Variants in MTUS2 observed in about 807,000 individuals in gnomAD.
The protein encoded by MTUS2 is microtubule associated scaffold protein 2.
In MTUS2, 40 loss-of-function variants were observed where a neutral mutation model predicts 114.1. The observed-to-expected ratio is 0.35, with a 90% confidence interval of 0.27 to 0.46. The LOEUF (loss-of-function observed/expected upper bound fraction) is 0.46. MTUS2 is among the 20% of genes least tolerant of loss of function. The pLI is 1.00. For synonymous variants in MTUS2, 688 were observed against 672.0 expected (o/e 1.02, Z -0.37); for missense variants, 1,679 against 1,705.4 (o/e 0.98, Z 0.27).
intron 2 of MTUS2, among the ~76,000 whole-genome samples, chr13:28,970,070 A>T (rs182423257): frequency 6.6e-6 from 1 of 152,336 alleles, no homozygotes; most frequent in East Asian, 1.9e-4. Context: ...GTGAACCACC[A>T]CACCTGGCCA....
chr13:29,107,194 G>A (rs1368669827), intron 5 of MTUS2, among the ~76,000 whole-genome samples: 1 of 151,984 alleles, frequency 6.6e-6, no homozygotes, highest in Admixed American at 6.5e-5. Flanking sequence ...CTCTTGGCTT[G>A]TATCACTTTT....
intron 2 of MTUS2, among the ~76,000 whole-genome samples, chr13:29,017,327 C>G (rs1040520948): frequency 3.3e-5 from 5 of 152,044 alleles, no homozygotes; most frequent in African/African-American, 1.2e-4. Flanking sequence ...GTAGTTGGAG[C>G]TCCTTTGGCA....
At chr13:29,224,818 T>C (rs1401609563) in intron 5 of MTUS2, among the ~76,000 whole-genome samples, 2 of 152,204 alleles carry the variant, frequency 1.3e-5, no homozygotes, top group Non-Finnish European at 2.9e-5. Flanking sequence ...ATTTAGTGGT[T>C]ATGTCCACCA....
At chr13:28,924,441 C>T (rs1232519725) in intron 2 of MTUS2, among the ~76,000 whole-genome samples, 3 of 152,198 alleles carry the variant, frequency 2.0e-5, no homozygotes, top group Admixed American at 6.5e-5. Context: ...GCAGTATCCT[C>T]CCGCTCTTGA....
chr13:29,422,846 G>T (rs1371336900), intron 8 of MTUS2, among the ~76,000 whole-genome samples: 1 of 151,848 alleles, frequency 6.6e-6, no homozygotes, highest in Non-Finnish European at 1.5e-5. Flanking sequence ...TGGCCAGGCT[G>T]GTCTCAAACT....
At chr13:29,158,358 C>CCCCCTCTTT in intron 5 of MTUS2, among the ~76,000 whole-genome samples, 2 of 32,048 alleles carry the variant, frequency 6.2e-5, no homozygotes, top group African/African-American at 2.1e-4. Context: ...GTCCACCCCG[C>CCCCCTCTTT]TTTTTTTTTT....
intron 4 of MTUS2, among the ~76,000 whole-genome samples, chr13:29,065,111 A>G (rs895035872): frequency 1.3e-5 from 2 of 152,202 alleles, no homozygotes; most frequent in African/African-American, 4.8e-5. Context: ...TCTTTATGAT[A>G]GAACAATTTA....
intron 5 of MTUS2, among the ~76,000 whole-genome samples, chr13:29,165,142 C>T (rs7336150): frequency 0.3 from 45,477 of 151,982 alleles, 7,545 homozygotes; most frequent in African/African-American, 0.45. Context: ...TAATCCCTCA[C>T]TCTCTTCACT....
Position 29,440,360 on chromosome 13 carries a change from C to T in MTUS2, c.3184+311C>T, listed in dbSNP as rs183628731. On this transcript the variant is annotated intron_variant, in intron 9 of 15. Coordinates refer to ENST00000612955, the MANE Select transcript of MTUS2 (RefSeq NM_001033602.4). ...TCTATCTGGGTCCCCTCTTATAAAA[C>T]GAGGTGCTGTCTGCAAGATGCAGAT... Among the ~76,000 whole-genome samples the T allele has an allele frequency of 2.7e-3, 413 of 152,316 alleles. 4 individuals are homozygous for T. Among genetic ancestry groups the T allele is most frequent in the African/African-American group, 9.8e-3 (407 of 41,566 alleles).
chr13:28,964,047 A>G (rs1422993957), intron 2 of MTUS2, among the ~76,000 whole-genome samples: 1 of 152,172 alleles, frequency 6.6e-6, no homozygotes. Context: ...TATTTCCAAA[A>G]TTCTAACCTC....
intron 6 of MTUS2, 80 bp downstream of exon 6, chr13:29,281,945 G>A: frequency 7.0e-7 from 1 of 1,419,642 alleles, no homozygotes; most frequent in Non-Finnish European, 9.5e-7. Flanking sequence ...AAGCCCCTGT[G>A]TACATCAGTT....
chr13:29,364,117 G>T (rs919498320), intron 8 of MTUS2, among the ~76,000 whole-genome samples: 9 of 152,094 alleles, frequency 5.9e-5, no homozygotes, highest in African/African-American at 2.2e-4. Flanking sequence ...TATTAAGGGG[G>T]GAAACGCACA....
intron 2 of MTUS2, among the ~76,000 whole-genome samples, chr13:28,919,930 T>G (rs947529812): frequency 6.6e-6 from 1 of 152,234 alleles, no homozygotes; most frequent in African/African-American, 2.4e-5. Flanking sequence ...ATAATTTCAA[T>G]CTCTTGGTCA....
At chr13:28,987,081 C>A (rs577846445) in intron 2 of MTUS2, among the ~76,000 whole-genome samples, 3 of 152,158 alleles carry the variant, frequency 2.0e-5, no homozygotes, top group Admixed American at 1.3e-4. Flanking sequence ...ATAATTGACC[C>A]CAAATCACAG....
intron 9 of MTUS2, among the ~76,000 whole-genome samples, chr13:29,451,194 A>T (rs566065392): frequency 1.3e-5 from 2 of 152,346 alleles, no homozygotes; most frequent in Admixed American, 6.5e-5. Flanking sequence ...TCTGAGCCAT[A>T]AAACAAACTT....
chr13:29,041,150 G>C (rs1593411823), intron 4 of MTUS2, among the ~76,000 whole-genome samples: 1 of 152,062 alleles, frequency 6.6e-6, no homozygotes, highest in African/African-American at 2.4e-5. Flanking sequence ...GAGAGATGAA[G>C]GTCCAATTTC....
At chr13:29,152,331 CT>C in intron 5 of MTUS2, among the ~76,000 whole-genome samples, 1 of 151,978 alleles carries the variant, frequency 6.6e-6, no homozygotes, top group East Asian at 1.9e-4. Context: ...GTAAAACTAC[CT>C]GTTAGATTTA....
intron 4 of MTUS2, among the ~76,000 whole-genome samples, chr13:29,049,021 G>A (rs1339988079): frequency 6.6e-6 from 1 of 152,164 alleles, no homozygotes; most frequent in East Asian, 1.9e-4. Context: ...GTACTGATCA[G>A]CAATTCTTTC....
intron 5 of MTUS2, among the ~76,000 whole-genome samples, chr13:29,137,097 A>G (rs920008303): frequency 7.9e-5 from 12 of 152,092 alleles, no homozygotes; most frequent in Non-Finnish European, 1.8e-4. Flanking sequence ...GAGGAAAAAC[A>G]TTTTGTTTTT....
Sources: gnomAD v4.1 joint callset for allele counts (sites outside exome capture counted in the v4.1 genomes callset) on GRCh38, gnomAD v4.1.1 for gene constraint, MANE v1.5 for transcripts, NCBI Gene and HGNC (gene_info 2026-07-23, HGNC 2026-07-21) for gene names.